Variants in CPE observed in about 807,000 individuals in gnomAD.
CPE encodes carbocypeptidase E.
In CPE, 17 loss-of-function variants were observed where a neutral mutation model predicts 53.5. The ratio of observed to expected loss-of-function variants is 0.32; its 90% confidence interval spans 0.22 to 0.48. The LOEUF (loss-of-function observed/expected upper bound fraction) is 0.48, where lower values mean the gene tolerates loss of function less well. Ranked by LOEUF, CPE falls within the 20% of genes least tolerant of loss-of-function variation. CPE has a pLI of 0.99. For synonymous variants in CPE, 226 were observed against 228.8 expected (o/e 0.99, Z 0.11); for missense variants, 524 against 614.7 (o/e 0.85, Z 1.56).
chr4:165,498,417 T>C lies in CPE; in HGVS notation c.*807T>C, dbSNP rs1732744960. The C allele has an allele frequency of 6.6e-6, 1 of 152,210 alleles. No homozygotes were observed. Among genetic ancestry groups the C allele is most frequent in the South Asian group, 2.1e-4 (1 of 4,828 alleles). 9.4% of individuals were successfully genotyped at this position (152,210 alleles called of 1,614,324 possible). A position where few individuals can be genotyped will look rare whatever the true frequency, so the allele number is the denominator to read the frequency against. On this transcript the variant is annotated 3_prime_UTR_variant, in exon 9 of 9. Transcript: ENST00000402744. ...TTAATGGCGGCTTCTCATATATTCA[T>C]CCTGTACATTTTAAAATTTGTTAAG...
chr4:165,426,196 CAAGAAGGATATG>C (rs1731315213), intron 1 of CPE, among the ~76,000 whole-genome samples: 1 of 152,120 alleles, frequency 6.6e-6, no homozygotes, highest in African/African-American at 2.4e-5. Flanking sequence ...ACTGTTCCTT[CAAGAAGGATATG>C]AAGCAAGCTT....
At chr4:165,398,051 T>TA (rs397955897) in intron 1 of CPE, among the ~76,000 whole-genome samples, 26,811 of 91,880 alleles carry the variant, frequency 0.29, 3,471 homozygotes, top group African/African-American at 0.39. Flanking sequence ...TCCTCATTTC[T>TA]AAAAAAAAAA....
chr4:165,419,438 T>C (rs1299129435), intron 1 of CPE, among the ~76,000 whole-genome samples: 1 of 152,226 alleles, frequency 6.6e-6, no homozygotes, highest in Non-Finnish European at 1.5e-5. Flanking sequence ...CAAACTCATG[T>C]ATCGGTGTAT....
chr4:165,468,321 T>C (rs1020076416), intron 3 of CPE, among the ~76,000 whole-genome samples: 8 of 152,228 alleles, frequency 5.3e-5, no homozygotes, highest in African/African-American at 1.9e-4. Context: ...TTTCAGGGTC[T>C]CATCTGATAC....
intron 1 of CPE, among the ~76,000 whole-genome samples, chr4:165,383,063 G>A (rs570369298): frequency 2.3e-4 from 35 of 152,142 alleles, no homozygotes; most frequent in Non-Finnish European, 4.3e-4. Context: ...ATCACAAATG[G>A]TCCTGTCATT....
rs774863176 is a variant in CPE, at chr4:165,482,279, T to C, written c.710T>C (p.Met237Thr). ...PETKAVIHWI[M>T]DIPFVLSANL... ...ACCAAGGCTGTCATTCATTGGATTA[T>C]GGATATTCCTTTTGTGCTTTCTGCC... Residue 237 changes from methionine (M) to threonine (T), a missense_variant, in exon 4 of 9, where the codon ATG becomes ACG. Met to Thr is a moderately conservative substitution (Grantham distance 81). Transcript: ENST00000402744. The C allele has an allele frequency of 1.6e-5, 26 of 1,613,922 alleles. No homozygotes were observed. Among genetic ancestry groups the C allele is most frequent in the Admixed American group, 5.0e-5 (3 of 60,004 alleles).
chr4:165,472,999 G>A, intron 3 of CPE, among the ~76,000 whole-genome samples: 1 of 152,198 alleles, frequency 6.6e-6, no homozygotes, highest in Middle Eastern at 3.2e-3. Context: ...ACTCTTTCTA[G>A]CATCTAGGGG....
rs1278351086 is a variant in CPE at position 165,497,932 on chromosome 4, T to C, written c.*322T>C. The C allele has an allele frequency of 6.2e-6, 1 of 160,372 alleles. No individual in the cohort carries two copies. The highest frequency in any genetic ancestry group is 1.8e-4 in the East Asian group (1 of 5,698). The allele number at this position is 160,372 out of a possible 1,614,324, so 9.9% of individuals were successfully genotyped here. ...CAATGCAGAATTTTTTGAGTAATTC[T>C]AGCTTTCAAAAATTAGTGAAGTTCT... is the stretch of plus-strand genomic sequence containing the variant. On this transcript the variant is annotated 3_prime_UTR_variant, in exon 9 of 9. Transcript: ENST00000402744.
At position 165,482,270 on chromosome 4, in the gene CPE, A is replaced by G. The variant is rs1262278680; in HGVS notation, c.701A>G (p.His234Arg). The part of the protein sequence containing the change: ...KLAPETKAVI[H>R]WIMDIPFVLS... ...GCTCCTGAGACCAAGGCTGTCATTCATTGGATTATGGATATTCCTTTTGTG... is the reference window on the plus strand; with the variant it reads ...GCTCCTGAGACCAAGGCTGTCATTCGTTGGATTATGGATATTCCTTTTGTG... Residue 234 changes from histidine (H) to arginine (R), a missense_variant, in exon 4 of 9, where the codon CAT becomes CGT. Physicochemically the swap from His to Arg is conservative, Grantham distance 29. Transcript: ENST00000402744. 1.9e-6 allele frequency: 3 copies of G among 1,613,600 alleles called. No homozygotes were observed. The highest frequency in any genetic ancestry group is 4.5e-5 in the East Asian group (2 of 44,856).
At chr4:165,469,144 G>A (rs1285294972) in intron 3 of CPE, among the ~76,000 whole-genome samples, 3 of 152,140 alleles carry the variant, frequency 2.0e-5, no homozygotes, top group Non-Finnish European at 4.4e-5. Flanking sequence ...GGGCTAGGTG[G>A]ACACATTTAC....
chr4:165,464,617 C>A (rs1422072263), intron 2 of CPE, 31 bp downstream of exon 2: 7 of 1,537,552 alleles, frequency 4.6e-6, no homozygotes, highest in South Asian at 2.5e-5. Context: ...ATCAGGCGTG[C>A]TTTCTTCATT....
intron 5 of CPE, among the ~76,000 whole-genome samples, chr4:165,486,217 A>G (rs535606088): frequency 6.6e-6 from 1 of 151,010 alleles, no homozygotes; most frequent in East Asian, 2.0e-4. Context: ...GTGGGGGGGT[A>G]GCTGTGAGCT....
chr4:165,395,727 A>G (rs766100857), intron 1 of CPE, among the ~76,000 whole-genome samples: 16 of 152,194 alleles, frequency 1.1e-4, no homozygotes, highest in Non-Finnish European at 1.8e-4. Context: ...CATGTAGAGA[A>G]TTGTACAGGA....
At chr4:165,404,630 G>A in intron 1 of CPE, 2 of 1,137,282 alleles carry the variant, frequency 1.8e-6, no homozygotes, top group Non-Finnish European at 2.7e-6. Flanking sequence ...GCCAAGGCTT[G>A]TGGTCAGGGA....
In CPE at chr4:165,461,614, T is replaced by C. The variant is rs116481435; in HGVS notation, c.308-2776T>C. Among the ~76,000 whole-genome samples the C allele has an allele frequency of 1.2e-3, 181 of 152,314 alleles. No homozygotes were observed. In the Middle Eastern group the frequency reaches 0.014, roughly 11 times the overall value. ...GGAACCTTGAAGCAGTTTAGTTACA[T>C]ATCCAACATTCCTTCACCGTTGCCT... On this transcript the variant is annotated intron_variant, in intron 1 of 8. Coordinates refer to ENST00000402744, the MANE Select transcript of CPE (RefSeq NM_001873.4).
chr4:165,418,426 A>G (rs1414507246), intron 1 of CPE: 3 of 152,250 alleles, frequency 2.0e-5, no homozygotes, highest in Non-Finnish European at 2.9e-5. Context: ...CACAAAGTCT[A>G]TAAAATTATC....
chr4:165,463,786 G>A (rs927465674), intron 1 of CPE, among the ~76,000 whole-genome samples: 1 of 152,232 alleles, frequency 6.6e-6, no homozygotes, highest in African/African-American at 2.4e-5. Context: ...TTAATAGGAG[G>A]CACGTAGTGT....
chr4:165,481,016 A>ATATATATATATATATATAT (rs1491161430), intron 3 of CPE, among the ~76,000 whole-genome samples: 2 of 111,040 alleles, frequency 1.8e-5, no homozygotes, highest in African/African-American at 6.8e-5. Context: ...ATATATATAT[A>ATATATATATATATATATAT]TTTTTTTTTT....
intron 1 of CPE, among the ~76,000 whole-genome samples, chr4:165,446,295 A>G (rs1186851961): frequency 6.6e-6 from 1 of 152,248 alleles, no homozygotes; most frequent in Non-Finnish European, 1.5e-5. Flanking sequence ...GTTTAGACTG[A>G]GAAAATATTT....
Sources: allele counts gnomAD v4.1 joint callset (sites outside exome capture counted in the v4.1 genomes callset), GRCh38; gene constraint gnomAD v4.1.1; transcripts MANE v1.5; gene names NCBI Gene and HGNC (gene_info 2026-07-23, HGNC 2026-07-21).